TENM3: variants seen among roughly 807,000 people sequenced by gnomAD.
TENM3 encodes the protein teneurin transmembrane protein 3.
Under a neutral mutation model 255.1 loss-of-function variants are expected in TENM3, and 63 were observed. The ratio of observed to expected loss-of-function variants is 0.25; its 90% confidence interval spans 0.20 to 0.30. The LOEUF (loss-of-function observed/expected upper bound fraction) is 0.30, where lower values mean the gene tolerates loss of function less well. Ranked by LOEUF, TENM3 falls within the 10% of genes least tolerant of loss-of-function variation. TENM3 has a pLI of 1.00. For synonymous variants in TENM3, 1,306 were observed against 1,322.3 expected, an observed-to-expected ratio of 0.99 and a Z score of 0.27; for missense variants, 2,929 against 3,461.1, an observed-to-expected ratio of 0.85 and a Z score of 3.86.
chr4:181,542,935 A>G, the TENM3 span, among the ~76,000 whole-genome samples: 1 of 152,090 alleles, frequency 6.6e-6, no homozygotes, highest in African/African-American at 2.4e-5. Context: ...TACATTACTT[A>G]CCCATCGTAT....
chr4:182,199,831 A>T (rs1754072529), intron 1 of TENM3, among the ~76,000 whole-genome samples: 2 of 144,676 alleles, frequency 1.4e-5, no homozygotes, highest in Non-Finnish European at 3.0e-5. Context: ...GACTCATATG[A>T]TTTCTCCCAC....
At chr4:182,261,390 C>T (rs945268028) in intron 1 of TENM3, among the ~76,000 whole-genome samples, 10 of 152,082 alleles carry the variant, frequency 6.6e-5, no homozygotes, top group South Asian at 2.1e-4. Flanking sequence ...ATGGCTGTTC[C>T]GGCATCGTGA....
At chr4:181,992,975 A>T in the TENM3 span, among the ~76,000 whole-genome samples, 2 of 152,278 alleles carry the variant, frequency 1.3e-5, 1 homozygote, top group Middle Eastern at 6.8e-3. Context: ...CAGAGATGGC[A>T]TTAAGTATTC....
intron 1 of TENM3, among the ~76,000 whole-genome samples, chr4:182,204,603 G>A (rs1216934118): frequency 6.6e-6 from 1 of 152,120 alleles, no homozygotes; most frequent in Non-Finnish European, 1.5e-5. Flanking sequence ...TCTGCTCAGT[G>A]CCTCAACGTA....
the TENM3 span, among the ~76,000 whole-genome samples, chr4:181,994,425 C>T: frequency 7.2e-5 from 11 of 152,066 alleles, no homozygotes; most frequent in Non-Finnish European, 1.6e-4. Flanking sequence ...GTCTGTCTGT[C>T]AGTAAAAAGA....
intron 3 of TENM3, among the ~76,000 whole-genome samples, chr4:182,409,246 T>C (rs1370644457): frequency 6.6e-6 from 1 of 152,190 alleles, no homozygotes; most frequent in Non-Finnish European, 1.5e-5. Flanking sequence ...CTCTTACCTG[T>C]TGGAGAACCT....
At chr4:182,142,127 T>A (rs1348173201), upstream of TENM3, 1 of 152,144 alleles carries the variant, frequency 6.6e-6, no homozygotes, top group African/African-American at 2.4e-5. Flanking sequence ...CAAGCCTTTT[T>A]TTTATATAAT....
chr4:181,840,940 G>GA, the TENM3 span, among the ~76,000 whole-genome samples: 1 of 152,088 alleles, frequency 6.6e-6, no homozygotes, highest in African/African-American at 2.4e-5. Flanking sequence ...ATTTGAAAGA[G>GA]GCTTATTCCT....
intron 3 of TENM3, among the ~76,000 whole-genome samples, chr4:182,381,789 G>A (rs1347535294): frequency 2.0e-5 from 3 of 152,266 alleles, no homozygotes; most frequent in Non-Finnish European, 2.9e-5. Context: ...TCGAACTCCC[G>A]ACCTCAGGTG....
At chr4:181,807,658 T>C in the TENM3 span, among the ~76,000 whole-genome samples, 2 of 152,198 alleles carry the variant, frequency 1.3e-5, no homozygotes, top group Non-Finnish European at 2.9e-5. Flanking sequence ...TGGCCAATCC[T>C]AGGAACATTT....
chr4:182,333,886 A>G (rs1366752851), intron 2 of TENM3, among the ~76,000 whole-genome samples: 1 of 152,224 alleles, frequency 6.6e-6, no homozygotes, highest in African/African-American at 2.4e-5. Context: ...AAATAAATAT[A>G]TGGACAGTGT....
the TENM3 span, among the ~76,000 whole-genome samples, chr4:181,548,365 T>C: frequency 3.3e-5 from 5 of 152,180 alleles, no homozygotes; most frequent in African/African-American, 1.2e-4. Flanking sequence ...TGCACACGTA[T>C]GTTTATTGCA....
intron 5 of TENM3, among the ~76,000 whole-genome samples, chr4:182,635,149 A>G (rs1751740527): frequency 6.6e-6 from 1 of 152,242 alleles, no homozygotes; most frequent in Non-Finnish European, 1.5e-5. Context: ...AAGGAACACT[A>G]GAGAAAAAAA....
chr4:182,069,519 A>T, the TENM3 span, among the ~76,000 whole-genome samples: 1 of 152,102 alleles, frequency 6.6e-6, no homozygotes, highest in South Asian at 2.1e-4. Context: ...CAACTAGAAT[A>T]TGCACCCCAT....
In TENM3 at chr4:182,792,199, C is replaced by A; in HGVS notation, c.5602-75C>A. 7.8e-7 allele frequency: 1 copy of A among 1,288,470 alleles called. No homozygotes were observed. Among genetic ancestry groups the A allele is most frequent in the Non-Finnish European group, 1.1e-6 (1 of 911,608 alleles). The allele number at this position is 1,288,470 out of a possible 1,614,324, so 79.8% of individuals were successfully genotyped here. A position where few individuals can be genotyped will look rare whatever the true frequency, so the allele number is the denominator to read the frequency against. ...TTTTCTCTAGTGGAATGTTTCTGTG[C>A]ATCTGTGGTCACTAAATCTGCTTTT... is the stretch of plus-strand genomic sequence containing the variant. On this transcript the variant is annotated intron_variant, in intron 25 of 27. Coordinates refer to ENST00000511685, the MANE Select transcript of TENM3 (RefSeq NM_001080477.4). This position sits in a 1 kb window ranked among gnomAD's most constrained non-coding sequence, Gnocchi z 6.3.
At chr4:182,056,149 C>G in the TENM3 span, among the ~76,000 whole-genome samples, 3 of 152,084 alleles carry the variant, frequency 2.0e-5, no homozygotes, top group East Asian at 5.8e-4. Context: ...GTGAAATTCT[C>G]CAAAAACCCC....
At chr4:181,664,334 G>A in the TENM3 span, among the ~76,000 whole-genome samples, 28 of 152,042 alleles carry the variant, frequency 1.8e-4, no homozygotes, top group Admixed American at 5.9e-4. Flanking sequence ...GCTGGGTGTC[G>A]TGGTGGTCAC....
At chr4:182,270,785 C>T (rs1010594103) in intron 1 of TENM3, among the ~76,000 whole-genome samples, 6 of 152,134 alleles carry the variant, frequency 3.9e-5, no homozygotes, top group Admixed American at 1.3e-4. Context: ...ACAGTCTGGA[C>T]CCTCTAAAGA....
At chr4:182,757,044 G>T (rs1762789535) in intron 22 of TENM3, among the ~76,000 whole-genome samples, 1 of 152,080 alleles carries the variant, frequency 6.6e-6, no homozygotes, top group African/African-American at 2.4e-5. Context: ...CGGGCGCGGT[G>T]GCTCACACCT....
Sources: gnomAD v4.1 joint callset for allele counts (sites outside exome capture counted in the v4.1 genomes callset) on GRCh38, gnomAD v4.1.1 for gene constraint, Gnocchi (gnomAD v3.1) non-coding constraint, MANE v1.5 for transcripts, NCBI Gene and HGNC (gene_info 2026-07-23, HGNC 2026-07-21) for gene names.